Variants in SLC24A2 observed in about 807,000 individuals in gnomAD.
The protein encoded by SLC24A2 is solute carrier family 24 member 2.
A neutral mutation model predicts 62.0 loss-of-function variants in SLC24A2; 36 were observed. The ratio of observed to expected loss-of-function variants is 0.58; its 90% CI spans 0.44 to 0.77. The LOEUF is 0.77. Among genes scored for constraint, SLC24A2 ranks in the 30% least tolerant of loss-of-function variants. The pLI, the probability that SLC24A2 is intolerant of heterozygous loss-of-function variation, is 0.00. For synonymous variants in SLC24A2, 358 were observed against 294.0 expected, an observed-to-expected ratio of 1.22 and a Z score of -2.23; for missense variants, 846 against 817.9, an observed-to-expected ratio of 1.03 and a Z score of -0.42.
the SLC24A2 span, among the ~76,000 whole-genome samples, chr9:20,032,928 C>T: frequency 3.0e-3 from 461 of 152,252 alleles, 3 homozygotes; most frequent in African/African-American, 0.01. Flanking sequence ...AATGGCAAGA[C>T]GTAACTCCGA....
the SLC24A2 span, among the ~76,000 whole-genome samples, chr9:19,949,918 C>T: frequency 3.3e-5 from 5 of 152,298 alleles, no homozygotes; most frequent in Admixed American, 2.0e-4. Flanking sequence ...CCTTGCTAAT[C>T]GAGTGTGGTG....
the SLC24A2 span, among the ~76,000 whole-genome samples, chr9:20,198,037 G>T: frequency 6.6e-6 from 1 of 152,156 alleles, no homozygotes; most frequent in Non-Finnish European, 1.5e-5. Flanking sequence ...GTAAAAGGTG[G>T]TTACAAAACA....
the SLC24A2 span, among the ~76,000 whole-genome samples, chr9:20,073,889 TACACAC>T: frequency 1.7e-5 from 1 of 58,930 alleles, no homozygotes. Flanking sequence ...TATATATATA[TACACAC>T]ATATATATAT....
At chr9:20,031,879 A>G in the SLC24A2 span, among the ~76,000 whole-genome samples, 2 of 152,288 alleles carry the variant, frequency 1.3e-5, no homozygotes, top group Middle Eastern at 3.4e-3. Context: ...AAAGAAAGAA[A>G]AAGCCCAGAT....
At chr9:19,873,984 C>T in the SLC24A2 span, among the ~76,000 whole-genome samples, 1 of 152,034 alleles carries the variant, frequency 6.6e-6, no homozygotes, top group Non-Finnish European at 1.5e-5. Context: ...CCATAAATCC[C>T]TTTAAACAAT....
rs535820071 is a variant in SLC24A2, at chr9:19,639,668, T to C, written c.931-17369A>G. On this transcript the variant is annotated intron_variant, in intron 2 of 10. Coordinates refer to ENST00000341998, the MANE Select transcript of SLC24A2 (RefSeq NM_020344.4). ...ACTTTAGTAATATCTGGATAACCTATTTCCATCTGTAATGATGACAGCATT... is the reference window on the plus strand; with the variant it reads ...ACTTTAGTAATATCTGGATAACCTACTTCCATCTGTAATGATGACAGCATT... Among the ~76,000 whole-genome samples the C allele has an allele frequency of 6.0e-4, 92 of 152,364 alleles. 1 individual carries two copies. Among genetic ancestry groups the C allele is most frequent in the Non-Finnish European group, 1.1e-3 (72 of 68,036 alleles).
chr9:19,720,700 C>CCA (rs561789600), intron 2 of SLC24A2, among the ~76,000 whole-genome samples: 11,649 of 137,110 alleles, frequency 0.085, 685 homozygotes, highest in Admixed American at 0.13. Flanking sequence ...CCCCCCCCCC[C>CCA]AAAAAAAATC....
intron 8 of SLC24A2, among the ~76,000 whole-genome samples, chr9:19,535,492 A>C (rs112358647): frequency 0.036 from 5,520 of 152,082 alleles, 310 homozygotes; most frequent in African/African-American, 0.12. Flanking sequence ...TTAGGTCTTA[A>C]GGTGGAGTCT....
intron 7 of SLC24A2, among the ~76,000 whole-genome samples, chr9:19,550,898 C>T (rs1010625216): frequency 2.0e-5 from 3 of 151,938 alleles, no homozygotes; most frequent in African/African-American, 7.3e-5. Context: ...GTATTTTTTA[C>T]ATGCATTGAA....
chr9:19,966,267 C>T, the SLC24A2 span, among the ~76,000 whole-genome samples: 1 of 152,148 alleles, frequency 6.6e-6, no homozygotes, highest in Non-Finnish European at 1.5e-5. Flanking sequence ...TTTCTCTCTA[C>T]TTCCCTTCCA....
chr9:20,116,279 C>A, the SLC24A2 span, among the ~76,000 whole-genome samples: 1 of 152,092 alleles, frequency 6.6e-6, no homozygotes, highest in African/African-American at 2.4e-5. Flanking sequence ...TATTCAAAAG[C>A]TTTTGCTGTC....
At chr9:19,800,032 T>C in the SLC24A2 span, among the ~76,000 whole-genome samples, 16 of 152,180 alleles carry the variant, frequency 1.1e-4, no homozygotes, top group African/African-American at 3.9e-4. Flanking sequence ...GCTGCATCAT[T>C]GCAGTCTCTG....
chr9:19,960,711 C>T, the SLC24A2 span, among the ~76,000 whole-genome samples: 1 of 152,082 alleles, frequency 6.6e-6, no homozygotes, highest in Non-Finnish European at 1.5e-5. Flanking sequence ...AATGCTGGGC[C>T]CTGTCACAAA....
At chr9:20,225,819 C>G in the SLC24A2 span, among the ~76,000 whole-genome samples, 1 of 151,354 alleles carries the variant, frequency 6.6e-6, no homozygotes, top group Non-Finnish European at 1.5e-5. Flanking sequence ...TTAGCTTGTG[C>G]TCTCAATGGC....
rs770882815 is a variant in SLC24A2 at position 19,786,708 on chromosome 9, T to C, written c.159A>G (p.Ser53=). The C allele has an allele frequency of 9.9e-6, 16 of 1,611,322 alleles. No homozygotes were observed. The highest frequency in any genetic ancestry group is 1.4e-5 in the Non-Finnish European group (16 of 1,178,398). ...FMGLVAISTV[S]FSISAFSETD... ...TCTCAGAAAAGGCACTGATTGAAAA[T>C]GAGACAGTGCTAATGGCTACCAGAC... The change falls in exon 2 of 11, where the codon TCA becomes TCG. Residue 53 remains serine (S), a synonymous_variant. Coordinates refer to ENST00000341998, the MANE Select transcript of SLC24A2 (RefSeq NM_020344.4). The surrounding 1 kb of genome is among the most constrained non-coding windows in gnomAD (Gnocchi z 5.0).
At chr9:20,224,089 T>A in the SLC24A2 span, among the ~76,000 whole-genome samples, 1 of 151,892 alleles carries the variant, frequency 6.6e-6, no homozygotes, top group Non-Finnish European at 1.5e-5. Context: ...CATGATCCAA[T>A]CACCTCCAAC....
chr9:19,761,070 A>T (rs1270992379), intron 2 of SLC24A2, among the ~76,000 whole-genome samples: 1 of 152,196 alleles, frequency 6.6e-6, no homozygotes, highest in Non-Finnish European at 1.5e-5. Flanking sequence ...ATAAAAAAAT[A>T]AATTAAATTT....
At chr9:20,126,647 C>T in the SLC24A2 span, among the ~76,000 whole-genome samples, 1 of 152,062 alleles carries the variant, frequency 6.6e-6, no homozygotes, top group African/African-American at 2.4e-5. Flanking sequence ...CTTTAAGGAT[C>T]AAAAGTTTTC....
At chr9:19,724,194 T>G (rs1042199247) in intron 2 of SLC24A2, among the ~76,000 whole-genome samples, 1 of 152,148 alleles carries the variant, frequency 6.6e-6, no homozygotes, top group Non-Finnish European at 1.5e-5. Context: ...AGACTTCTTT[T>G]TTGGATAATT....
Sources: allele counts gnomAD v4.1 joint callset (sites outside exome capture counted in the v4.1 genomes callset), GRCh38; gene constraint gnomAD v4.1.1; non-coding constraint Gnocchi (gnomAD v3.1); transcripts MANE v1.5; gene names NCBI Gene and HGNC (gene_info 2026-07-23, HGNC 2026-07-21).